LPIN3: variants seen among roughly 807,000 people sequenced by gnomAD.
LPIN3 encodes the protein lipin 3.
LPIN3 carries 82 observed loss-of-function variants against 94.7 expected under a neutral mutation model. That is an observed-to-expected ratio of 0.87 (90% CI 0.72 to 1.04). The LOEUF (loss-of-function observed/expected upper bound fraction) is 1.04. Among genes scored for constraint, LPIN3 ranks in the 50% least tolerant of loss-of-function variants. LPIN3 has a pLI of 0.00. For synonymous variants in LPIN3, 418 were observed against 443.3 expected, an observed-to-expected ratio of 0.94 and a Z score of 0.72; for missense variants, 996 against 1,090.5, an observed-to-expected ratio of 0.91 and a Z score of 1.22.
In LPIN3 at chr20:41,360,309, T is replaced by C. The variant is rs2046343880; in HGVS notation, c.*1443T>C. ...GAGCCCCTTTCCTCCAGCTGGTGGC[T>C]CCTTCTCAGGGCCTGGCCTCATTCA... On this transcript the variant is annotated 3_prime_UTR_variant, in exon 20 of 20. Transcript: ENST00000373257. 6.6e-6 allele frequency: 1 copy of C among 152,240 alleles called. No homozygotes were observed. Among genetic ancestry groups the C allele is most frequent in the Non-Finnish European group, 1.5e-5 (1 of 68,026 alleles). 9.4% of individuals were successfully genotyped at this position (152,240 alleles called of 1,614,324 possible).
Position 41,348,569 on chromosome 20 carries a change from C to A in LPIN3, c.289-50C>A, listed in dbSNP as rs774761608. ...GCTCAAGATGACTGTGTGGTGAGCG[C>A]AGCCCCACTAGGGTCAGCCCCCGAC... On this transcript the variant is annotated intron_variant, in intron 3 of 19. Coordinates refer to ENST00000373257, the MANE Select transcript of LPIN3 (RefSeq NM_022896.3). The A allele has an allele frequency of 2.6e-6, 4 of 1,556,986 alleles. No individual in the cohort carries two copies. The East Asian group carries it at 6.8e-5, about 26-fold the overall frequency.
In LPIN3 at chr20:41,359,986, C is replaced by G. The variant is rs1302952499; in HGVS notation, c.*1120C>G. 1.3e-5 allele frequency: 2 copies of G among 152,604 alleles called. No individual in the cohort carries two copies. Among genetic ancestry groups the G allele is most frequent in the East Asian group, 3.8e-4 (2 of 5,196 alleles). 9.5% of individuals were successfully genotyped at this position (152,604 alleles called of 1,614,324 possible). On this transcript the variant is annotated 3_prime_UTR_variant, in exon 20 of 20. Transcript: ENST00000373257. Reference sequence around the variant, plus strand: ...CTTTAGACCGGCTAAAAGCTTTAATCCAGAGCCTGCCCTACTCTGATAGTA... The same window carrying G: ...CTTTAGACCGGCTAAAAGCTTTAATGCAGAGCCTGCCCTACTCTGATAGTA...
At chr20:41,357,848 G>A (rs1402713700) in intron 16 of LPIN3, 34 bp from the exon 17 acceptor site, 2 of 1,612,934 alleles carry the variant, frequency 1.2e-6, no homozygotes, top group African/African-American at 1.3e-5. Context: ...GCTGGTCTCT[G>A]ATGGCTCTAT....
rs2046195688 is a variant in LPIN3, at chr20:41,356,005, A to G, written c.1774A>G (p.Lys592Glu). Residue 592 changes from lysine (K) to glutamate (E), a missense_variant, in exon 14 of 20, where the codon AAG becomes GAG. Coordinates refer to ENST00000373257, the MANE Select transcript of LPIN3 (RefSeq NM_022896.3). ...STPPSTPTYK[K>E]SLRLSSDQIR... ...TCCACCCTCCACTCCTACCTACAAG[A>G]AGTCCCTCCGCCTCTCCTCCGATCA... The G allele has an allele frequency of 6.2e-7, 1 of 1,614,022 alleles. No homozygotes were observed.
intron 5 of LPIN3, 70 bp from the exon 6 acceptor site, chr20:41,349,704 T>C: frequency 6.5e-7 from 1 of 1,541,978 alleles, no homozygotes; most frequent in Non-Finnish European, 8.7e-7. Flanking sequence ...CATATTTTTT[T>C]CCCTGGCTGG....
intron 1 of LPIN3, among the ~76,000 whole-genome samples, chr20:41,344,845 A>T (rs2146916000): frequency 6.6e-6 from 1 of 152,274 alleles, no homozygotes; most frequent in African/African-American, 2.4e-5. Context: ...TAGGGTTGAA[A>T]TTGGGGTCTG....
Position 41,348,606 on chromosome 20 carries a change from G to A in LPIN3, c.289-13G>A, listed in dbSNP as rs200705520. 1.4e-4 allele frequency: 219 copies of A among 1,594,528 alleles called. No homozygotes were observed. Among genetic ancestry groups the A allele is most frequent in the Non-Finnish European group, 1.8e-4 (212 of 1,168,470 alleles). On this transcript the variant is annotated splice_polypyrimidine_tract_variant and intron_variant, in intron 3 of 19. Transcript: ENST00000373257. ...GGTCAGCCCCCGACCTCAGTTCTTG[G>A]TCTGTTCCACAGGAACATGTGCCTC... is the stretch of plus-strand genomic sequence containing the variant.
At chr20:41,344,668 G>A (rs1184919002) in intron 1 of LPIN3, among the ~76,000 whole-genome samples, 4 of 152,180 alleles carry the variant, frequency 2.6e-5, no homozygotes, top group South Asian at 2.1e-4. Flanking sequence ...CTCTGAGGCC[G>A]CCTCAGCCTC....
Position 41,350,456 on chromosome 20 carries a change from G to A in LPIN3, c.1102+59G>A. 2.2e-6 allele frequency: 3 copies of A among 1,358,094 alleles called. No homozygotes were observed. In the East Asian group the frequency reaches 7.4e-5, roughly 34 times the overall value. 84.1% of individuals were successfully genotyped at this position (1,358,094 alleles called of 1,614,324 possible). The stretch of plus-strand genomic sequence containing the variant: ...TGGCCTCGCTCTGTCCCCTGGGTGG[G>A]TGCTGGGACTTCAAGTACATTTTGA... On this transcript the variant is annotated intron_variant, in intron 7 of 19. Transcript: ENST00000373257.
At chr20:41,342,453 C>T (rs905029028) in intron 1 of LPIN3, among the ~76,000 whole-genome samples, 4 of 152,086 alleles carry the variant, frequency 2.6e-5, no homozygotes, top group African/African-American at 9.7e-5. Flanking sequence ...AAGGGGTATT[C>T]GGCTTCCTGG....
intron 3 of LPIN3, among the ~76,000 whole-genome samples, chr20:41,348,402 A>G (rs2045865247): frequency 6.6e-6 from 1 of 152,116 alleles, no homozygotes; most frequent in Admixed American, 6.5e-5. Context: ...CGATGCCAAG[A>G]TCTCTGCCTG....
At chr20:41,351,782 A>G in intron 7 of LPIN3, 39 bp from the exon 8 acceptor site, 1 of 1,585,914 alleles carries the variant, frequency 6.3e-7, no homozygotes, top group Non-Finnish European at 8.7e-7. Context: ...ACTGCTGAGC[A>G]CATGTCAGCT....
At chr20:41,356,968 C>T (rs544367602) in intron 14 of LPIN3, 72 bp from the exon 15 acceptor site, 20 of 1,558,026 alleles carry the variant, frequency 1.3e-5, no homozygotes, top group South Asian at 4.7e-5. Context: ...TCGGAGGCCA[C>T]GGCGTAAGGG....
intron 7 of LPIN3, among the ~76,000 whole-genome samples, chr20:41,351,604 A>G (rs1277005254): frequency 3.3e-5 from 5 of 152,068 alleles, no homozygotes; most frequent in Non-Finnish European, 7.4e-5. Context: ...CTAGAATTCC[A>G]TTTCTCTGTC....
intron 1 of LPIN3, among the ~76,000 whole-genome samples, chr20:41,342,942 C>T (rs1430776158): frequency 6.6e-6 from 1 of 152,194 alleles, no homozygotes; most frequent in Non-Finnish European, 1.5e-5. Context: ...ACCCCGGGTG[C>T]CATCTCTGCT....
chr20:41,347,305 A>G (rs1233392257), intron 2 of LPIN3, among the ~76,000 whole-genome samples: 1 of 152,214 alleles, frequency 6.6e-6, no homozygotes, highest in Non-Finnish European at 1.5e-5. Flanking sequence ...TGAGGCTCAG[A>G]CAGTGGGGCA....
chr20:41,345,911 G>C lies in LPIN3; in HGVS notation c.108G>C (p.Val36=). The C allele has an allele frequency of 6.2e-7, 1 of 1,614,220 alleles. No individual in the cohort carries two copies. Among genetic ancestry groups the C allele is most frequent in the Non-Finnish European group, 8.5e-7 (1 of 1,180,042 alleles). Reference sequence around the variant, plus strand: ...GCGGCGGCATTGACGTGCTGGTGGTGAAGCAGGTGGACGGCTCGTTCCGGT... The same window carrying C: ...GCGGCGGCATTGACGTGCTGGTGGTCAAGCAGGTGGACGGCTCGTTCCGGT... ...TLSGGIDVLV[V]KQVDGSFRCS... Residue 36 remains valine, a synonymous_variant, in exon 2 of 20, where the codon GTG becomes GTC. Transcript: ENST00000373257.
At chr20:41,345,050 A>G (rs537476673) in intron 1 of LPIN3, among the ~76,000 whole-genome samples, 1 of 152,320 alleles carries the variant, frequency 6.6e-6, no homozygotes, top group East Asian at 1.9e-4. Context: ...TTGGTCCCCC[A>G]TAAGTCAGCT....
At position 41,358,262 on chromosome 20, in the gene LPIN3, G is replaced by T. The variant is rs1205882967; in HGVS notation, c.2218G>T (p.Val740Leu). 4 of 1,613,966 alleles carry T rather than the reference G, an allele frequency of 2.5e-6. No individual in the cohort carries two copies. The highest frequency in any genetic ancestry group is 3.4e-6 in the Non-Finnish European group (4 of 1,180,042). Residue 740 changes from valine (V) to leucine (L), a missense_variant, in exon 18 of 20, where the codon GTG becomes TTG. Coordinates refer to ENST00000373257, the MANE Select transcript of LPIN3 (RefSeq NM_022896.3). ...AGAGGTGATCGAGAAGAAACCAGAG[G>T]TGTTCAAGGTCGCCTGCCTGAGTGA... ...HREVIEKKPE[V>L]FKVACLSDIQ...
Sources: gnomAD v4.1 joint callset for allele counts (sites outside exome capture counted in the v4.1 genomes callset) on GRCh38, gnomAD v4.1.1 for gene constraint, MANE v1.5 for transcripts, NCBI Gene and HGNC (gene_info 2026-07-23, HGNC 2026-07-21) for gene names.